The following CNTNAP2 variants were observed in gnomAD, a reference collection of about 807,000 sequenced individuals.
CNTNAP2 encodes the protein contactin-associated protein-like 2.
Under a neutral mutation model 155.2 loss-of-function variants are expected in CNTNAP2, and 98 were observed. The observed-to-expected ratio is 0.63, with a 90% confidence interval of 0.54 to 0.75. The LOEUF (loss-of-function observed/expected upper bound fraction) is 0.75, where lower values mean the gene tolerates loss of function less well. Ranked by LOEUF, CNTNAP2 falls within the 30% of genes least tolerant of loss-of-function variation. The pLI, the probability that CNTNAP2 is intolerant of heterozygous loss-of-function variation, is 0.00. For missense variants in CNTNAP2, 1,727 were observed against 1,688.1 expected (o/e 1.02, Z -0.40); for synonymous variants, 651 against 631.2 (o/e 1.03, Z -0.47).
intron 3 of CNTNAP2, among the ~76,000 whole-genome samples, chr7:146,998,985 T>G (rs1798365532): frequency 6.6e-6 from 1 of 151,958 alleles, no homozygotes. Flanking sequence ...TAGAGAATTT[T>G]TTTATTATTT....
At chr7:147,541,937 C>T (rs1391435620) in intron 11 of CNTNAP2, among the ~76,000 whole-genome samples, 1 of 152,132 alleles carries the variant, frequency 6.6e-6, no homozygotes, top group African/African-American at 2.4e-5. Context: ...GCCCAGATAA[C>T]AGACATGCCT....
chr7:146,255,481 C>A (rs1162884189), intron 1 of CNTNAP2, among the ~76,000 whole-genome samples: 1 of 152,106 alleles, frequency 6.6e-6, no homozygotes, highest in Non-Finnish European at 1.5e-5. Context: ...ACCAGTGAGC[C>A]AAGACATTCA....
At chr7:146,492,335 C>T (rs1797153569) in intron 1 of CNTNAP2, among the ~76,000 whole-genome samples, 1 of 152,112 alleles carries the variant, frequency 6.6e-6, no homozygotes, top group Admixed American at 6.5e-5. Flanking sequence ...CCAACATTCA[C>T]TTGGCAAATA....
At chr7:147,454,142 A>T (rs1797880698) in intron 10 of CNTNAP2, among the ~76,000 whole-genome samples, 1 of 152,210 alleles carries the variant, frequency 6.6e-6, no homozygotes, top group Non-Finnish European at 1.5e-5. Context: ...TTTCCTGCCC[A>T]TATATGCTAA....
chr7:148,254,515 A>G (rs753252104), intron 20 of CNTNAP2, among the ~76,000 whole-genome samples: 3 of 152,078 alleles, frequency 2.0e-5, no homozygotes, highest in Non-Finnish European at 2.9e-5. Context: ...GTTGGCTCAT[A>G]CCTATAATCC....
intron 13 of CNTNAP2, among the ~76,000 whole-genome samples, chr7:147,687,564 G>A (rs1426551030): frequency 6.6e-6 from 1 of 152,120 alleles, no homozygotes; most frequent in East Asian, 1.9e-4. Flanking sequence ...AGGCTCACAT[G>A]GGTTTAAGGG....
chr7:148,131,299 G>GT (rs1309981072), intron 16 of CNTNAP2, among the ~76,000 whole-genome samples: 1 of 151,782 alleles, frequency 6.6e-6, no homozygotes, highest in Admixed American at 6.6e-5. Flanking sequence ...GGTTTTCACT[G>GT]TGTTGGCCAG....
intron 8 of CNTNAP2, among the ~76,000 whole-genome samples, chr7:147,199,482 A>C (rs1216967169): frequency 6.6e-6 from 1 of 152,182 alleles, no homozygotes; most frequent in Non-Finnish European, 1.5e-5. Flanking sequence ...TTTCAAACTC[A>C]TTTAGTAATT....
intron 14 of CNTNAP2, among the ~76,000 whole-genome samples, chr7:147,938,809 A>G (rs1342112892): frequency 6.6e-6 from 1 of 152,066 alleles, no homozygotes; most frequent in East Asian, 1.9e-4. Context: ...GTATTTTTCT[A>G]GTTTTCCTGT....
At chr7:148,392,530 A>G (rs1453662346) in intron 22 of CNTNAP2, among the ~76,000 whole-genome samples, 1 of 152,194 alleles carries the variant, frequency 6.6e-6, no homozygotes, top group African/African-American at 2.4e-5. Flanking sequence ...TGTAACCTTA[A>G]GTTATCTGGT....
intron 1 of CNTNAP2, among the ~76,000 whole-genome samples, chr7:146,588,006 A>G (rs67021468): frequency 0.34 from 51,156 of 148,858 alleles, 10,581 homozygotes; most frequent in South Asian, 0.5. Context: ...CCGTGTGTGT[A>G]TGTGTGTGTG....
At chr7:146,713,948 A>G (rs1453111384) in intron 1 of CNTNAP2, among the ~76,000 whole-genome samples, 1 of 152,166 alleles carries the variant, frequency 6.6e-6, no homozygotes, top group Non-Finnish European at 1.5e-5. Context: ...TATAAAAAGT[A>G]AGGTGGTTAC....
chr7:146,605,487 A>G (rs1310137657), intron 1 of CNTNAP2, among the ~76,000 whole-genome samples: 4 of 151,854 alleles, frequency 2.6e-5, no homozygotes, highest in Admixed American at 6.6e-5. Context: ...AGAAAAAAGG[A>G]CTCTAAGATG....
intron 1 of CNTNAP2, among the ~76,000 whole-genome samples, chr7:146,369,690 A>T (rs1039028907): frequency 2.0e-5 from 3 of 152,112 alleles, no homozygotes; most frequent in African/African-American, 7.2e-5. Context: ...AAGCTACTTG[A>T]GTTTTTAAAA....
At chr7:147,575,229 ATGTGTGTGTTTGTGTG>A (rs1400661235) in intron 12 of CNTNAP2, among the ~76,000 whole-genome samples, 1 of 21,240 alleles carries the variant, frequency 4.7e-5, no homozygotes, top group Non-Finnish European at 9.0e-5. Flanking sequence ...GAGTATGCAT[ATGTGTGTGTTTGTGTG>A]TGTGTGTGTG....
intron 2 of CNTNAP2, among the ~76,000 whole-genome samples, chr7:146,787,399 T>G (rs1039871517): frequency 6.6e-6 from 1 of 152,164 alleles, no homozygotes; most frequent in Admixed American, 6.5e-5. Flanking sequence ...TGTCTGGAGT[T>G]TCTTCCTTCT....
chr7:146,233,238 G>A (rs571450621), intron 1 of CNTNAP2, among the ~76,000 whole-genome samples: 2 of 152,132 alleles, frequency 1.3e-5, no homozygotes, highest in East Asian at 3.9e-4. Flanking sequence ...TCACAGATTT[G>A]ACTCTTCCAT....
chr7:148,160,442 G>T (rs1805500125), intron 17 of CNTNAP2, among the ~76,000 whole-genome samples: 1 of 151,270 alleles, frequency 6.6e-6, no homozygotes, highest in East Asian at 1.9e-4. Flanking sequence ...GATAATAAAT[G>T]AACAAACTAC....
intron 17 of CNTNAP2, among the ~76,000 whole-genome samples, chr7:148,162,173 G>T (rs1805559933): frequency 6.6e-6 from 1 of 152,058 alleles, no homozygotes; most frequent in Non-Finnish European, 1.5e-5. Context: ...AGGGGGAGGG[G>T]GAGATACATG....
Sources: gnomAD v4.1 joint callset for allele counts (sites outside exome capture counted in the v4.1 genomes callset) on GRCh38, gnomAD v4.1.1 for gene constraint, MANE v1.5 for transcripts, NCBI Gene and HGNC (gene_info 2026-07-23, HGNC 2026-07-21) for gene names.